TMEM178B: variants seen among roughly 807,000 people sequenced by gnomAD.
The protein encoded by TMEM178B is transmembrane protein 178B.
Under a neutral mutation model 31.0 loss-of-function variants are expected in TMEM178B, and 5 were observed. That is an observed-to-expected ratio of 0.16 (90% CI 0.08 to 0.34). TMEM178B has a LOEUF of 0.34. Ranked by LOEUF, TMEM178B falls within the 10% of genes least tolerant of loss-of-function variation. TMEM178B has a pLI of 1.00. For missense variants in TMEM178B, 275 were observed against 400.3 expected, an observed-to-expected ratio of 0.69 and a Z score of 2.67; for synonymous variants, 164 against 164.0, an observed-to-expected ratio of 1.00 and a Z score of 0.00.
At chr7:141,360,468 C>A (rs1586912284) in intron 2 of TMEM178B, among the ~76,000 whole-genome samples, 1 of 152,350 alleles carries the variant, frequency 6.6e-6, no homozygotes, top group East Asian at 1.9e-4. Flanking sequence ...TAAGGCCAGG[C>A]TTTCACAAAG....
chr7:141,110,728 C>T (rs1795219795), intron 1 of TMEM178B, among the ~76,000 whole-genome samples: 1 of 152,118 alleles, frequency 6.6e-6, no homozygotes, highest in Admixed American at 6.6e-5. Flanking sequence ...TATGTGTCCC[C>T]CTAAAATTCA....
intron 2 of TMEM178B, among the ~76,000 whole-genome samples, chr7:141,415,821 A>G (rs752201027): frequency 1.4e-4 from 21 of 152,226 alleles, no homozygotes; most frequent in Admixed American, 1.3e-4. Flanking sequence ...TCAGGTTAGC[A>G]TGTCCAATCA....
rs1184576409 is a variant in TMEM178B, at chr7:141,479,809, G to T, written c.*9023G>T. The T allele has an allele frequency of 6.6e-6, 1 of 152,162 alleles. No homozygotes were observed. Among genetic ancestry groups the T allele is most frequent in the African/African-American group, 2.4e-5 (1 of 41,438 alleles). The allele number at this position is 152,162 out of a possible 1,614,324, so 9.4% of individuals were successfully genotyped here. A position where few individuals can be genotyped will look rare whatever the true frequency, so the allele number is the denominator to read the frequency against. ...ATTTACCTTTATTTTAATTTGCATA[G>T]TGCTTTCTGATTGGTCAGACAAGGA... On this transcript the variant is annotated 3_prime_UTR_variant, in exon 4 of 4. Coordinates refer to ENST00000565468, the MANE Select transcript of TMEM178B (RefSeq NM_001195278.2).
At chr7:141,096,682 C>G (rs1794965437) in intron 1 of TMEM178B, among the ~76,000 whole-genome samples, 1 of 152,092 alleles carries the variant, frequency 6.6e-6, no homozygotes, top group African/African-American at 2.4e-5. Flanking sequence ...TTGTAATATC[C>G]CTTATAATAA....
chr7:141,261,414 A>C (rs554490144), intron 2 of TMEM178B, among the ~76,000 whole-genome samples: 32 of 152,014 alleles, frequency 2.1e-4, no homozygotes, highest in Non-Finnish European at 3.4e-4. Context: ...AGAAGTTAGA[A>C]CCTTTGTCTG....
chr7:141,095,243 T>C (rs1794938782), intron 1 of TMEM178B, among the ~76,000 whole-genome samples: 1 of 152,204 alleles, frequency 6.6e-6, no homozygotes, highest in Non-Finnish European at 1.5e-5. Flanking sequence ...GCAGGTGGTG[T>C]ATCATTTTCC....
chr7:141,354,451 G>GT (rs146207841), intron 2 of TMEM178B, among the ~76,000 whole-genome samples: 25,805 of 152,146 alleles, frequency 0.17, 2,347 homozygotes, highest in Admixed American at 0.22. Context: ...ACAGCAGACA[G>GT]TTCTGACAAA....
chr7:141,375,034 G>A (rs142076757), intron 2 of TMEM178B, among the ~76,000 whole-genome samples: 1,995 of 152,272 alleles, frequency 0.013, 24 homozygotes, highest in Middle Eastern at 0.037. Flanking sequence ...TTTCTTGTTC[G>A]TAATTTAATG....
intron 2 of TMEM178B, among the ~76,000 whole-genome samples, chr7:141,215,337 A>ATTATTTT (rs55726735): frequency 1.4e-5 from 2 of 141,488 alleles, no homozygotes; most frequent in Non-Finnish European, 3.1e-5. Flanking sequence ...TATTATTATT[A>ATTATTTT]TTTTTTGAGA....
In TMEM178B at chr7:141,400,631, A is replaced by G. The variant is rs923914946; in HGVS notation, c.497-36977A>G. Among the ~76,000 whole-genome samples the G allele has an allele frequency of 2.0e-5, 3 of 152,296 alleles. No individual in the cohort carries two copies. The South Asian group carries it at 6.2e-4, about 32-fold the overall frequency. On this transcript the variant is annotated intron_variant, in intron 2 of 3. Coordinates refer to ENST00000565468, the MANE Select transcript of TMEM178B (RefSeq NM_001195278.2). ...TTAAGTCTTTCACGTAATTCTGTCA[A>G]AAGGTGTTTAAATCCTTTTGCAAAG...
intron 1 of TMEM178B, among the ~76,000 whole-genome samples, chr7:141,203,223 T>C (rs1796907393): frequency 6.6e-6 from 1 of 152,214 alleles, no homozygotes; most frequent in Admixed American, 6.5e-5. Flanking sequence ...GGTTTTGTCT[T>C]TTTTTGTTGG....
chr7:141,396,361 C>T (rs568784743), intron 2 of TMEM178B, among the ~76,000 whole-genome samples: 26 of 152,246 alleles, frequency 1.7e-4, no homozygotes, highest in Non-Finnish European at 2.5e-4. Flanking sequence ...CCCATGCCTA[C>T]TCCCACCTGC....
intron 2 of TMEM178B, among the ~76,000 whole-genome samples, chr7:141,343,606 A>G (rs1162255419): frequency 1.4e-5 from 2 of 146,250 alleles, no homozygotes; most frequent in African/African-American, 2.6e-5. Context: ...CAATGGTTCA[A>G]TGGTGCAATC....
chr7:141,306,877 T>C (rs1798824594), intron 2 of TMEM178B, among the ~76,000 whole-genome samples: 1 of 152,164 alleles, frequency 6.6e-6, no homozygotes, highest in African/African-American at 2.4e-5. Flanking sequence ...CTTCATTCCA[T>C]ACAAATGCCA....
chr7:141,497,284 G>A, the TMEM178B span, among the ~76,000 whole-genome samples: 1 of 152,320 alleles, frequency 6.6e-6, no homozygotes, highest in South Asian at 2.1e-4. Context: ...GAGGCCAGAA[G>A]GTTGGAGAGA....
At chr7:141,111,071 G>A (rs1795227579) in intron 1 of TMEM178B, among the ~76,000 whole-genome samples, 1 of 152,180 alleles carries the variant, frequency 6.6e-6, no homozygotes, top group Non-Finnish European at 1.5e-5. Context: ...GTATTAGTCG[G>A]TTCTCATGCT....
At chr7:141,394,504 G>T (rs996851683) in intron 2 of TMEM178B, among the ~76,000 whole-genome samples, 4 of 152,198 alleles carry the variant, frequency 2.6e-5, no homozygotes, top group Non-Finnish European at 1.5e-5. Context: ...TGATCTATAG[G>T]ATTGGGGCAA....
chr7:141,109,100 G>T (rs1431526321), intron 1 of TMEM178B, among the ~76,000 whole-genome samples: 1 of 152,080 alleles, frequency 6.6e-6, no homozygotes, highest in Non-Finnish European at 1.5e-5. Flanking sequence ...TCTCCAACTG[G>T]GTCCCTCCCA....
rs1468361209 is a variant in TMEM178B at position 141,375,469 on chromosome 7, C to A, written c.497-62139C>A. On this transcript the variant is annotated intron_variant, in intron 2 of 3. Coordinates refer to ENST00000565468, the MANE Select transcript of TMEM178B (RefSeq NM_001195278.2). Reference sequence around the variant, plus strand: ...AGAGAGTTACAAATATAGTAGAAACCTTTTATGATGCTGATTTTAGCAGAC... The same window carrying A: ...AGAGAGTTACAAATATAGTAGAAACATTTTATGATGCTGATTTTAGCAGAC... 9.2e-5 allele frequency among the ~76,000 whole-genome samples: 14 copies of A among 152,154 alleles called. 1 individual carries two copies. In the East Asian group the frequency reaches 2.7e-3, roughly 29 times the overall value.
Sources: allele counts gnomAD v4.1 joint callset (sites outside exome capture counted in the v4.1 genomes callset), GRCh38; gene constraint gnomAD v4.1.1; transcripts MANE v1.5; gene names NCBI Gene and HGNC (gene_info 2026-07-23, HGNC 2026-07-21).